MPPED2: variants seen among roughly 807,000 people sequenced by gnomAD.
MPPED2 encodes metallophosphoesterase domain containing 2.
MPPED2 carries 5 observed loss-of-function variants against 33.0 expected under a neutral mutation model. That is an observed-to-expected ratio of 0.15 (90% CI 0.08 to 0.32). MPPED2 has a LOEUF of 0.32. Among genes scored for constraint, MPPED2 ranks in the 10% least tolerant of loss-of-function variants. The pLI is 1.00. For synonymous variants in MPPED2, 136 were observed against 141.9 expected (o/e 0.96, Z 0.29); for missense variants, 275 against 372.1 (o/e 0.74, Z 2.15).
intron 4 of MPPED2, among the ~76,000 whole-genome samples, chr11:30,463,550 T>G (rs1469793964): frequency 1.3e-5 from 2 of 152,182 alleles, no homozygotes; most frequent in African/African-American, 2.4e-5. Context: ...TGCTCTTTCC[T>G]CCCAGCTTAG....
chr11:30,411,387 A>G lies in MPPED2; in HGVS notation c.*81T>C. 1 of 1,466,696 alleles carries G rather than the reference A, an allele frequency of 6.8e-7. No homozygotes were observed. The highest frequency in any genetic ancestry group is 2.0e-5 in the Admixed American group (1 of 49,006). The allele number at this position is 1,466,696 out of a possible 1,614,324, so 90.9% of individuals were successfully genotyped here. On this transcript the variant is annotated 3_prime_UTR_variant, in exon 7 of 7. Transcript: ENST00000358117. ...AAAAGAACTCACAGGGTTTGTAAATAAGTAAGAGAATGTAAGTTTATAATT... is the reference window on the plus strand; with the variant it reads ...AAAAGAACTCACAGGGTTTGTAAATGAGTAAGAGAATGTAAGTTTATAATT...
downstream of MPPED2, chr11:30,409,948 A>G: frequency 3.1e-6 from 1 of 323,242 alleles, no homozygotes; most frequent in Non-Finnish European, 4.5e-6. Flanking sequence ...CCTTAACTCC[A>G]GTCTCTCTGT....
At chr11:30,579,411 AG>A (rs1243742208) in intron 2 of MPPED2, among the ~76,000 whole-genome samples, 1 of 152,140 alleles carries the variant, frequency 6.6e-6, no homozygotes, top group African/African-American at 2.4e-5. Context: ...AGACATTGGA[AG>A]GGTCTCATAG....
intron 4 of MPPED2, among the ~76,000 whole-genome samples, chr11:30,450,483 G>A (rs1035242008): frequency 6.6e-6 from 1 of 152,170 alleles, no homozygotes; most frequent in African/African-American, 2.4e-5. Context: ...TTTTACAGAT[G>A]AAGATCTCAA....
chr11:30,580,674 C>T (rs1256780947), intron 1 of MPPED2, among the ~76,000 whole-genome samples, 180 bp from the exon 2 acceptor site: 1 of 152,174 alleles, frequency 6.6e-6, no homozygotes, highest in Non-Finnish European at 1.5e-5. Flanking sequence ...GTGGATATTA[C>T]ACTCTATACA....
chr11:30,423,750 C>G (rs1304078634), intron 4 of MPPED2, among the ~76,000 whole-genome samples: 1 of 152,134 alleles, frequency 6.6e-6, no homozygotes, highest in Non-Finnish European at 1.5e-5. Flanking sequence ...GGTTAATGTA[C>G]AGCTTTTAAT....
intron 3 of MPPED2, among the ~76,000 whole-genome samples, chr11:30,499,045 A>T (rs1952431675): frequency 1.3e-5 from 2 of 152,154 alleles, no homozygotes; most frequent in African/African-American, 4.8e-5. Flanking sequence ...CTGCTACTTG[A>T]CGTTCTAAGT....
At chr11:30,399,635 T>G (rs985174211) in intron 6 of MPPED2, among the ~76,000 whole-genome samples, 28 of 152,338 alleles carry the variant, frequency 1.8e-4, no homozygotes, top group African/African-American at 6.0e-4. Flanking sequence ...GGGTGAAGAT[T>G]AGAAAGGTTT....
intron 4 of MPPED2, 186 bp downstream of exon 4, chr11:30,495,110 T>C: frequency 1.7e-6 from 1 of 599,328 alleles, no homozygotes; most frequent in Non-Finnish European, 3.0e-6. Context: ...CCTAAAGGGA[T>C]CTCTATCACA....
intron 4 of MPPED2, among the ~76,000 whole-genome samples, chr11:30,453,110 A>G: frequency 6.6e-6 from 1 of 152,224 alleles, no homozygotes; most frequent in East Asian, 1.9e-4. Flanking sequence ...TTAAATAAAT[A>G]TAAAAGACTA....
At chr11:30,538,478 G>A (rs1322466371) in intron 2 of MPPED2, among the ~76,000 whole-genome samples, 3 of 152,028 alleles carry the variant, frequency 2.0e-5, no homozygotes, top group Non-Finnish European at 4.4e-5. Context: ...TCCTCATCTT[G>A]ACTTCATACT....
At chr11:30,579,770 A>G (rs1394720715) in intron 2 of MPPED2, among the ~76,000 whole-genome samples, 1 of 152,010 alleles carries the variant, frequency 6.6e-6, no homozygotes, top group African/African-American at 2.4e-5. Context: ...CTGGACAATT[A>G]GTCCCAATTA....
At chr11:30,465,684 G>A (rs1156521165) in intron 4 of MPPED2, among the ~76,000 whole-genome samples, 4 of 152,164 alleles carry the variant, frequency 2.6e-5, no homozygotes, top group Non-Finnish European at 5.9e-5. Context: ...GTGACCTTTG[G>A]TAAGTAGAAT....
chr11:30,512,873 C>T (rs1428680177), intron 3 of MPPED2, among the ~76,000 whole-genome samples: 2 of 151,988 alleles, frequency 1.3e-5, no homozygotes, highest in South Asian at 2.1e-4. Context: ...TGGTGGTGTA[C>T]ACCTGTGATC....
chr11:30,557,227 T>A (rs1365384589), intron 2 of MPPED2, among the ~76,000 whole-genome samples: 1 of 148,418 alleles, frequency 6.7e-6, no homozygotes, highest in Non-Finnish European at 1.5e-5. Flanking sequence ...ATATATATAA[T>A]ATATATATCA....
At chr11:30,396,321 A>G (rs1947839616) in intron 6 of MPPED2, among the ~76,000 whole-genome samples, 2 of 152,138 alleles carry the variant, frequency 1.3e-5, no homozygotes, top group Non-Finnish European at 2.9e-5. Flanking sequence ...CCACTGCTAA[A>G]TATATTCCCA....
intron 4 of MPPED2, among the ~76,000 whole-genome samples, chr11:30,436,344 C>T (rs1949324471): frequency 6.6e-6 from 1 of 152,058 alleles, no homozygotes; most frequent in African/African-American, 2.4e-5. Context: ...TGAAGCCACT[C>T]CAAGGTTCTG....
intron 4 of MPPED2, among the ~76,000 whole-genome samples, chr11:30,477,712 T>C (rs1270505190): frequency 6.6e-6 from 1 of 152,170 alleles, no homozygotes; most frequent in Non-Finnish European, 1.5e-5. Context: ...ATTAATGTCA[T>C]GCTGGCTATA....
intron 4 of MPPED2, among the ~76,000 whole-genome samples, chr11:30,428,458 G>A (rs961693548): frequency 2.0e-5 from 3 of 152,194 alleles, no homozygotes; most frequent in Non-Finnish European, 4.4e-5. Flanking sequence ...AGGATCCCTT[G>A]AGCCCAGGAG....
Sources: allele counts gnomAD v4.1 joint callset (sites outside exome capture counted in the v4.1 genomes callset), GRCh38; gene constraint gnomAD v4.1.1; transcripts MANE v1.5; gene names NCBI Gene and HGNC (gene_info 2026-07-23, HGNC 2026-07-21).